BTK: variants seen among roughly 807,000 people sequenced by gnomAD.
BTK encodes the protein Bruton tyrosine kinase.
BTK carries 5 observed loss-of-function variants against 57.4 expected under a neutral mutation model. The ratio of observed to expected loss-of-function variants is 0.09; its 90% CI spans 0.05 to 0.18. BTK has a LOEUF of 0.18. Ranked by LOEUF, BTK falls within the 10% of genes least tolerant of loss-of-function variation. The probability of loss-of-function intolerance (pLI) is 1.00; values close to 1 mark genes in which losing one functional copy is unlikely to be tolerated. For synonymous variants in BTK, 154 were observed against 174.3 expected (o/e 0.88, Z 0.92); for missense variants, 194 against 501.2 (o/e 0.39, Z 5.85).
At chrX:101,364,345 G>T (rs782726703) in intron 5 of BTK, among the ~76,000 whole-genome samples, 1 of 104,653 alleles carries the variant, frequency 9.6e-6, no homozygotes, top group African/African-American at 3.5e-5. Flanking sequence ...GGAGGTGGAG[G>T]TCCCAGTGAA....
intron 16 of BTK, chrX:101,354,234 C>T (rs1193090963): frequency 3.1e-5 from 13 of 420,851 alleles, no homozygotes; most frequent in Non-Finnish European, 5.4e-5. Context: ...GTAGGTACTC[C>T]CTTCCTCTTC....
upstream of BTK, among the ~76,000 whole-genome samples, chrX:101,389,282 C>T (rs1927711460): frequency 1.8e-5 from 2 of 110,993 alleles, no homozygotes; most frequent in African/African-American, 6.6e-5. Context: ...TAAACAAAAA[C>T]AAGCAAAACC....
intron 18 of BTK, among the ~76,000 whole-genome samples, chrX:101,351,107 T>C (rs1569290217): frequency 9.0e-6 from 1 of 111,671 alleles, no homozygotes; most frequent in African/African-American, 3.3e-5. Context: ...GTCATTCTCC[T>C]GCCTCAGCCT....
chrX:101,387,916 G>C (rs1469260151), upstream of BTK, among the ~76,000 whole-genome samples: 4 of 107,332 alleles, frequency 3.7e-5, no homozygotes, highest in Non-Finnish European at 7.7e-5. Context: ...GCCCAGGCTG[G>C]AGTGCAGTGG....
intron 5 of BTK, 132 bp downstream of exon 5, chrX:101,369,866 T>C: frequency 1.6e-6 from 1 of 623,698 alleles, no homozygotes; most frequent in Non-Finnish European, 2.4e-6. Context: ...TTTTTTCTTC[T>C]TTTCTCTCTA....
rs782637650 is a variant in BTK at position 101,374,674 on chromosome X, GA to G, written c.142-41del. 4.7e-6 allele frequency: 5 copies of G among 1,057,469 alleles called. No individual in the cohort carries two copies. The Admixed American group carries it at 1.1e-4, about 23-fold the overall frequency. The allele number at this position is 1,057,469 out of a possible 1,213,427, so 87.1% of individuals were successfully genotyped here. A position where few individuals can be genotyped will look rare whatever the true frequency, so the allele number is the denominator to read the frequency against. ...GAGGAAGAAAATGGAGAAAGATTAAGAGGGATTAAGCAACCAGATGATTAGA... is the reference window on the plus strand; with the variant it reads ...GAGGAAGAAAATGGAGAAAGATTAAGGGGATTAAGCAACCAGATGATTAGA... On this transcript the variant is annotated intron_variant, in intron 2 of 18. Transcript: ENST00000308731.
intron 1 of BTK, among the ~76,000 whole-genome samples, chrX:101,376,402 C>T (rs781852122): frequency 4.5e-5 from 5 of 111,781 alleles, no homozygotes; most frequent in South Asian, 7.3e-4. Context: ...CCGAGGCTGG[C>T]GGATCACCTG....
intron 9 of BTK, among the ~76,000 whole-genome samples, chrX:101,359,552 C>A (rs1366198718): frequency 9.0e-6 from 1 of 111,661 alleles, no homozygotes; most frequent in Non-Finnish European, 1.9e-5. Context: ...GAGTAGCAGG[C>A]AAAGGCAAGC....
At chrX:101,354,031 T>TG (rs1555977514) in intron 16 of BTK, 43 bp from the exon 17 acceptor site, 3 of 998,695 alleles carry the variant, frequency 3.0e-6, no homozygotes, top group Non-Finnish European at 4.3e-6. Context: ...TTTGGAGGCT[T>TG]GATATTTGCT....
intron 1 of BTK, among the ~76,000 whole-genome samples, chrX:101,377,115 C>T (rs927820534): frequency 9.0e-6 from 1 of 111,303 alleles, no homozygotes; most frequent in South Asian, 3.8e-4. Flanking sequence ...AAACCTTTCC[C>T]TCCACCCTGC....
chrX:101,371,488 A>G, intron 4 of BTK, 145 bp downstream of exon 4: 4 of 560,595 alleles, frequency 7.1e-6, no homozygotes, highest in Non-Finnish European at 1.3e-5. Context: ...AGCCCATGCC[A>G]GTCTCATTTC....
chrX:101,385,462 C>T (rs984013253), intron 1 of BTK, among the ~76,000 whole-genome samples: 6 of 112,204 alleles, frequency 5.3e-5, no homozygotes, highest in African/African-American at 9.7e-5. Flanking sequence ...ATTGTTACCA[C>T]GAGGTTGGCA....
chrX:101,374,328 A>C, intron 3 of BTK: 1 of 437,157 alleles, frequency 2.3e-6, no homozygotes, highest in Non-Finnish European at 4.0e-6. Context: ...TTGTGTTAAC[A>C]AATTTTCCAT....
At chrX:101,359,394 T>C (rs782642614) in intron 9 of BTK, 47 bp from the exon 10 acceptor site, 2 of 1,160,978 alleles carry the variant, frequency 1.7e-6, no homozygotes, top group Non-Finnish European at 1.2e-6. Context: ...CATAAGCAGA[T>C]TGGAGGTTAC....
In BTK at chrX:101,374,439, C is replaced by T. The variant is rs182550130; in HGVS notation, c.240+97G>A. On this transcript the variant is annotated intron_variant, in intron 3 of 18. Transcript: ENST00000308731. ...TTAAAGGAAACTTGACCGTGTTCCA[C>T]GTTGCACAGCATCACCAGTCTATTT... is the stretch of plus-strand genomic sequence containing the variant. 1.9e-4 allele frequency: 133 copies of T among 708,706 alleles called. 1 individual carries two copies. The highest frequency in any genetic ancestry group is 1.4e-3 in the South Asian group (66 of 46,867). 58.4% of individuals were successfully genotyped at this position (708,706 alleles called of 1,213,427 possible).
chrX:101,353,096 G>T (rs1439034216), intron 18 of BTK, 98 bp downstream of exon 18: 126 of 694,989 alleles, frequency 1.8e-4, no homozygotes, highest in Non-Finnish European at 2.4e-4. Context: ...GGAAAAAAAA[G>T]AATGTGTGCA....
intron 6 of BTK, 128 bp from the exon 7 acceptor site, chrX:101,362,368 G>T: frequency 1.0e-6 from 1 of 984,908 alleles, no homozygotes; most frequent in South Asian, 1.9e-5. Context: ...AGCTAGGCAT[G>T]CCAGGTCACA....
intron 2 of BTK, 73 bp from the exon 3 acceptor site, chrX:101,374,707 T>C (rs1927151123): frequency 2.2e-6 from 2 of 899,035 alleles, no homozygotes; most frequent in Non-Finnish European, 3.2e-6. Context: ...TAGATTTTGT[T>C]ATCTAATCAT....
At position 101,364,082 on chromosome X, in the gene BTK, CA is replaced by C. The variant is rs1926768427; in HGVS notation, c.392-1394del. Among the ~76,000 whole-genome samples, 3 of 107,523 alleles carry C rather than the reference CA, an allele frequency of 2.8e-5. No homozygotes were observed. The South Asian group carries it at 1.2e-3, about 44-fold the overall frequency. 93.4% of individuals were successfully genotyped at this position (107,523 alleles called of 115,157 possible). ...CTGGCATAACTTTTTTTAAAAAAGA[CA>C]AAAACAAAACAAAACCTTCCACTGT... is the stretch of plus-strand genomic sequence containing the variant. On this transcript the variant is annotated intron_variant, in intron 5 of 18. Transcript: ENST00000308731.
Sources: allele counts gnomAD v4.1 joint callset (sites outside exome capture counted in the v4.1 genomes callset), GRCh38; gene constraint gnomAD v4.1.1; transcripts MANE v1.5; gene names NCBI Gene and HGNC (gene_info 2026-07-23, HGNC 2026-07-21).